Variants in FBN2 observed in about 807,000 individuals in gnomAD.
FBN2 encodes the protein fibrillin 2.
A neutral mutation model predicts 355.6 loss-of-function variants in FBN2; 105 were observed. That is an observed-to-expected ratio of 0.30 (90% CI 0.25 to 0.35). FBN2 has a LOEUF of 0.35. Ranked by LOEUF, FBN2 falls within the 10% of genes least tolerant of loss-of-function variation. FBN2 has a pLI of 1.00. For synonymous variants in FBN2, 1,350 were observed against 1,301.2 expected, an observed-to-expected ratio of 1.04 and a Z score of -0.81; for missense variants, 3,280 against 3,758.7, an observed-to-expected ratio of 0.87 and a Z score of 3.33.
chr5:128,307,678 T>C, intron 41 of FBN2, among the ~76,000 whole-genome samples: 1 of 151,878 alleles, frequency 6.6e-6, no homozygotes, highest in Non-Finnish European at 1.5e-5. Flanking sequence ...TTGTCTTTTT[T>C]TTTTTTACTG....
In FBN2 at chr5:128,289,115, G is replaced by T. The variant is rs747012310; in HGVS notation, c.6637+12C>A. ...GAACTTTAAAATTCTGTAATGTGGA[G>T]CCAACACTCACCCACACAGCGTACT... On this transcript the variant is annotated intron_variant, in intron 52 of 64. Transcript: ENST00000262464. 1 of 1,613,738 alleles carries T rather than the reference G, an allele frequency of 6.2e-7. No individual in the cohort carries two copies. Among genetic ancestry groups the T allele is most frequent in the Non-Finnish European group, 8.5e-7 (1 of 1,179,658 alleles).
intron 7 of FBN2, among the ~76,000 whole-genome samples, chr5:128,416,928 AG>A (rs1648421663): frequency 6.6e-6 from 1 of 152,160 alleles, no homozygotes; most frequent in African/African-American, 2.4e-5. Context: ...CTGAATCTGT[AG>A]ATTGTTTTGG....
In FBN2 at chr5:128,393,178, G is replaced by A. The variant is rs764073494; in HGVS notation, c.1422C>T (p.Ala474=). The A allele has an allele frequency of 1.5e-5, 24 of 1,613,902 alleles. No homozygotes were observed. Among genetic ancestry groups the A allele is most frequent in the East Asian group, 2.2e-5 (1 of 44,884 alleles). The part of the protein sequence containing the change: ...GNGFSPGVGG[A]GVGAGGQGPI... Reference sequence around the variant, plus strand: ...GTCCCTGTCCCCCGGCCCCCACACCGGCTCCCCCAACGCCAGGAGAAAAGC... The same window carrying A: ...GTCCCTGTCCCCCGGCCCCCACACCAGCTCCCCCAACGCCAGGAGAAAAGC... Residue 474 remains alanine, a synonymous_variant, in exon 10 of 65, where the codon GCC becomes GCT. Coordinates refer to ENST00000262464, the MANE Select transcript of FBN2 (RefSeq NM_001999.4).
chr5:128,360,717 A>T (rs1241315179), intron 19 of FBN2, among the ~76,000 whole-genome samples: 2 of 152,090 alleles, frequency 1.3e-5, no homozygotes, highest in Non-Finnish European at 2.9e-5. Flanking sequence ...TCTGTTCACA[A>T]GAATGCTTTG....
At chr5:128,302,150 GAA>G (rs2126835122) in intron 46 of FBN2, among the ~76,000 whole-genome samples, 1 of 152,234 alleles carries the variant, frequency 6.6e-6, no homozygotes, top group African/African-American at 2.4e-5. Flanking sequence ...GAAAAATAAA[GAA>G]AACAGAGAGG....
intron 55 of FBN2, among the ~76,000 whole-genome samples, chr5:128,281,277 G>A (rs1369996638): frequency 2.0e-5 from 3 of 151,996 alleles, no homozygotes; most frequent in Non-Finnish European, 2.9e-5. Context: ...ATTTTATATT[G>A]TTTTATATTT....
At chr5:128,474,382 A>G (rs915292737) in intron 5 of FBN2, among the ~76,000 whole-genome samples, 2 of 152,226 alleles carry the variant, frequency 1.3e-5, no homozygotes, top group African/African-American at 4.8e-5. Flanking sequence ...CACATTTTAT[A>G]GTATCTTAGG....
chr5:128,519,389 A>C (rs757288706), intron 4 of FBN2, 21 bp from the exon 5 acceptor site: 7 of 1,594,710 alleles, frequency 4.4e-6, no homozygotes, highest in South Asian at 1.1e-5. Context: ...AAATAGCAAG[A>C]AGCTCATTAT....
intron 36 of FBN2, among the ~76,000 whole-genome samples, chr5:128,313,241 T>C (rs1750109330): frequency 7.8e-6 from 1 of 128,870 alleles, no homozygotes; most frequent in Non-Finnish European, 1.8e-5. Context: ...GATCAACTAA[T>C]CTAAGGCTTT....
At chr5:128,319,432 A>G (rs1285392780) in intron 34 of FBN2, among the ~76,000 whole-genome samples, 1 of 54,544 alleles carries the variant, frequency 1.8e-5, no homozygotes, top group Non-Finnish European at 4.4e-5. Context: ...AAACAAATAC[A>G]TAATCATTTT....
rs528079706 is a variant in FBN2 at position 128,471,292 on chromosome 5, A to G, written c.629-6371T>C. 7.9e-4 allele frequency among the ~76,000 whole-genome samples: 120 copies of G among 152,198 alleles called. 1 individual carries two copies. Among genetic ancestry groups the G allele is most frequent in the African/African-American group, 2.7e-3 (112 of 41,540 alleles). ...ATGATGAGGTTATAATTGAGAATCTAAAATCTCTAATCACAGATATAAACA... is the reference window on the plus strand; with the variant it reads ...ATGATGAGGTTATAATTGAGAATCTGAAATCTCTAATCACAGATATAAACA... On this transcript the variant is annotated intron_variant, in intron 5 of 64. Coordinates refer to ENST00000262464, the MANE Select transcript of FBN2 (RefSeq NM_001999.4).
rs763393398 is a variant in FBN2, at chr5:128,303,036, C to T, written c.5854G>A (p.Val1952Ile). 46 of 1,612,852 alleles carry T rather than the reference C, an allele frequency of 2.9e-5. No homozygotes were observed. The highest frequency in any genetic ancestry group is 2.2e-4 in the East Asian group (10 of 44,850). The change falls in exon 46 of 65, where the codon GTT (valine) becomes ATT (isoleucine). Residue 1952 changes from valine to isoleucine, a missense_variant. By Grantham distance (29) the Val-to-Ile change is conservative. Coordinates refer to ENST00000262464, the MANE Select transcript of FBN2 (RefSeq NM_001999.4). ...TAGCACAGACAGTTATAGGATCCAA[C>T]GGTGTTTTTACAAGTTCCATTTCCA... ...PCGNGTCKNT[V>I]GSYNCLCYPG...
chr5:128,335,950 A>G, intron 28 of FBN2, 38 bp downstream of exon 28: 2 of 1,611,110 alleles, frequency 1.2e-6, no homozygotes, highest in Non-Finnish European at 1.7e-6. Context: ...GGCTGATTTG[A>G]GACATATGAG....
At chr5:128,334,609 G>T in intron 31 of FBN2, 110 bp downstream of exon 31, 1 of 1,125,436 alleles carries the variant, frequency 8.9e-7, no homozygotes, top group Non-Finnish European at 1.3e-6. Context: ...CACAGTCACA[G>T]TCTGGTGGCA....
intron 7 of FBN2, among the ~76,000 whole-genome samples, chr5:128,410,774 T>C (rs1753040609): frequency 6.6e-6 from 1 of 152,168 alleles, no homozygotes; most frequent in Non-Finnish European, 1.5e-5. Context: ...ACAATTTTAT[T>C]GTGCAAAAAA....
Position 128,505,361 on chromosome 5 carries a change from C to T in FBN2, c.628+13912G>A, listed in dbSNP as rs184709857. Reference sequence around the variant, plus strand: ...ATCCCTCACTGTGTTTCCCTAACCACAAGTAGAAAAAAAGTGTATGTGGCC... The same window carrying T: ...ATCCCTCACTGTGTTTCCCTAACCATAAGTAGAAAAAAAGTGTATGTGGCC... On this transcript the variant is annotated intron_variant, in intron 5 of 64. Transcript: ENST00000262464. Among the ~76,000 whole-genome samples the T allele has an allele frequency of 6.6e-5, 10 of 152,182 alleles. No individual in the cohort carries two copies. In the East Asian group the frequency reaches 1.9e-3, roughly 29 times the overall value.
At chr5:128,530,764 T>A in intron 2 of FBN2, 71 bp from the exon 3 acceptor site, 1 of 1,021,978 alleles carries the variant, frequency 9.8e-7, no homozygotes, top group Non-Finnish European at 1.5e-6. Flanking sequence ...ACAAGAAAGC[T>A]GTATTTAAAA....
intron 25 of FBN2, among the ~76,000 whole-genome samples, chr5:128,339,567 G>A (rs780431804): frequency 5.3e-5 from 8 of 152,120 alleles, no homozygotes; most frequent in Non-Finnish European, 1.2e-4. Flanking sequence ...GGGTGACAGA[G>A]GGACAACCTG....
Position 128,331,507 on chromosome 5 carries a change from G to T in FBN2, c.4223-812C>A, listed in dbSNP as rs1257415668. ...GAGACAGTGGAAACCCGCAGCCAAG[G>T]GAGGGAAGCTGAATTTTATCCCGAA... On this transcript the variant is annotated intron_variant, in intron 32 of 64. Transcript: ENST00000262464. 2.0e-5 allele frequency among the ~76,000 whole-genome samples: 3 copies of T among 152,284 alleles called. No individual in the cohort carries two copies. In the East Asian group the frequency reaches 5.8e-4, roughly 29 times the overall value.
Sources: gnomAD v4.1 joint callset for allele counts (sites outside exome capture counted in the v4.1 genomes callset) on GRCh38, gnomAD v4.1.1 for gene constraint, MANE v1.5 for transcripts, NCBI Gene and HGNC (gene_info 2026-07-23, HGNC 2026-07-21) for gene names.